The following ITGA9 variants were observed in gnomAD, a reference collection of about 807,000 sequenced individuals.
ITGA9 encodes the protein integrin subunit alpha 9.
A neutral mutation model predicts 127.8 loss-of-function variants in ITGA9; 56 were observed. The ratio of observed to expected loss-of-function variants is 0.44; its 90% CI spans 0.35 to 0.55. The LOEUF is 0.55. ITGA9 is among the 20% of genes least tolerant of loss of function. The probability of loss-of-function intolerance (pLI) is 0.00; values close to 1 mark genes in which losing one functional copy is unlikely to be tolerated. For missense variants in ITGA9, 1,196 were observed against 1,347.1 expected (o/e 0.89, Z 1.76); for synonymous variants, 508 against 514.5 (o/e 0.99, Z 0.17).
chr3:37,522,556 T>A (rs1452489592), intron 11 of ITGA9, among the ~76,000 whole-genome samples: 1 of 151,800 alleles, frequency 6.6e-6, no homozygotes, highest in Non-Finnish European at 1.5e-5. Flanking sequence ...CGAGACCCCG[T>A]CTGACAAAAA....
At chr3:37,493,264 C>T (rs759904742) in intron 4 of ITGA9, among the ~76,000 whole-genome samples, 7 of 152,188 alleles carry the variant, frequency 4.6e-5, no homozygotes, top group Non-Finnish European at 2.9e-5. Context: ...ACACTCAGAA[C>T]GGCAGGAAGT....
At chr3:37,559,735 C>T (rs1373939244) in intron 15 of ITGA9, among the ~76,000 whole-genome samples, 2 of 152,180 alleles carry the variant, frequency 1.3e-5, no homozygotes, top group East Asian at 1.9e-4. Flanking sequence ...AGGAAAACCA[C>T]ACGGAGCCAT....
chr3:37,692,412 AGTGTGTGTGTGTGT>A (rs59928496), intron 18 of ITGA9, among the ~76,000 whole-genome samples: 42 of 145,968 alleles, frequency 2.9e-4, no homozygotes, highest in Non-Finnish European at 7.6e-5. Context: ...AGAGAGAGAG[AGTGTGTGTGTGTGT>A]GTGTGTGTGT....
At chr3:37,644,258 G>A (rs1343113064) in intron 16 of ITGA9, among the ~76,000 whole-genome samples, 1 of 152,176 alleles carries the variant, frequency 6.6e-6, no homozygotes, top group African/African-American at 2.4e-5. Flanking sequence ...GTTATCACAG[G>A]GGTTGAACTG....
At chr3:37,507,875 A>G (rs1698861659) in intron 7 of ITGA9, among the ~76,000 whole-genome samples, 1 of 152,208 alleles carries the variant, frequency 6.6e-6, no homozygotes, top group African/African-American at 2.4e-5. Context: ...TTCCCACGAG[A>G]TGTAATCCAA....
intron 18 of ITGA9, among the ~76,000 whole-genome samples, chr3:37,720,579 C>T (rs764506765): frequency 9.2e-5 from 14 of 152,022 alleles, no homozygotes; most frequent in Non-Finnish European, 1.8e-4. Context: ...GAAAATAATT[C>T]GTTTGTGACT....
chr3:37,466,618 T>G (rs1192377337), intron 1 of ITGA9, among the ~76,000 whole-genome samples: 1 of 151,886 alleles, frequency 6.6e-6, no homozygotes, highest in Non-Finnish European at 1.5e-5. Flanking sequence ...ACATAATTAT[T>G]TGTAATCAGT....
chr3:37,774,080 A>G lies in ITGA9; in HGVS notation c.2542-3312A>G, dbSNP rs560945365. The stretch of plus-strand genomic sequence containing the variant: ...TTGAAATGCAGAACTTCTTGAATCC[A>G]TGTTGGTGCTGAAATTTGATTGGCA... On this transcript the variant is annotated intron_variant, in intron 23 of 27. Coordinates refer to ENST00000264741, the MANE Select transcript of ITGA9 (RefSeq NM_002207.3). Among the ~76,000 whole-genome samples the G allele has an allele frequency of 2.6e-5, 4 of 152,338 alleles. No homozygotes were observed. In the East Asian group the frequency reaches 5.8e-4, roughly 22 times the overall value.
chr3:37,818,574 T>C, intron 27 of ITGA9: 2 of 361,412 alleles, frequency 5.5e-6, no homozygotes, highest in Non-Finnish European at 1.1e-5. Flanking sequence ...TGAAACCTTT[T>C]TTTACTCCCA....
chr3:37,650,533 G>A (rs966657868), intron 16 of ITGA9, among the ~76,000 whole-genome samples: 3 of 152,062 alleles, frequency 2.0e-5, no homozygotes, highest in Admixed American at 2.0e-4. Context: ...CTGGGTTCAA[G>A]CAATTCTCCT....
At chr3:37,598,696 G>T (rs143601656) in intron 15 of ITGA9, among the ~76,000 whole-genome samples, 5 of 152,272 alleles carry the variant, frequency 3.3e-5, no homozygotes, top group African/African-American at 1.2e-4. Context: ...GGCCCCAAGT[G>T]TGTCAAGCCC....
At position 37,494,399 on chromosome 3, in the gene ITGA9, C is replaced by T. The variant is rs188898998; in HGVS notation, c.545-102C>T. ...TGGCATCCCTGGGCCCAGCCTGCCG[C>T]GGCACTCGTGGGAAGTGGCTGGCTG... On this transcript the variant is annotated intron_variant, in intron 4 of 27. Transcript: ENST00000264741. 1,948 of 815,962 alleles carry T rather than the reference C, an allele frequency of 2.4e-3. 7 individuals are homozygous for T. Among genetic ancestry groups the T allele is most frequent in the Non-Finnish European group, 3.6e-3 (1,698 of 475,142 alleles). The allele number at this position is 815,962 out of a possible 1,614,324, so 50.5% of individuals were successfully genotyped here.
chr3:37,528,992 A>G (rs1375942889), intron 13 of ITGA9, among the ~76,000 whole-genome samples: 1 of 145,716 alleles, frequency 6.9e-6, no homozygotes, highest in Non-Finnish European at 1.5e-5. Flanking sequence ...AGAATTTCAC[A>G]TTGGTGGGAA....
At chr3:37,717,333 G>A (rs568457050) in intron 18 of ITGA9, among the ~76,000 whole-genome samples, 2 of 152,172 alleles carry the variant, frequency 1.3e-5, no homozygotes, top group African/African-American at 4.8e-5. Context: ...GCTACATCAG[G>A]CAGTTTATGA....
rs1388795662 is a variant in ITGA9, at chr3:37,512,120, CTTT to C, written c.898-1642_898-1640del. On this transcript the variant is annotated intron_variant, in intron 8 of 27. Coordinates refer to ENST00000264741, the MANE Select transcript of ITGA9 (RefSeq NM_002207.3). ...TCCTTCCTTCCTTCCTTCCTTCCTT[CTTT>C]CTTTTCTTTTCTTTTCTTTTCTTTT... Among the ~76,000 whole-genome samples the C allele has an allele frequency of 5.8e-3, 228 of 39,446 alleles. 21 individuals carry two copies. Among genetic ancestry groups the C allele is most frequent in the African/African-American group, 0.021 (171 of 8,238 alleles). 25.9% of individuals were successfully genotyped at this position (39,446 alleles called of 152,430 possible).
intron 18 of ITGA9, among the ~76,000 whole-genome samples, chr3:37,712,075 C>T (rs1467957188): frequency 2.0e-5 from 3 of 151,904 alleles, no homozygotes; most frequent in African/African-American, 7.3e-5. Context: ...TTTATTTTCA[C>T]AAATATTCAG....
chr3:37,553,014 A>T (rs1274593242), intron 15 of ITGA9, among the ~76,000 whole-genome samples: 4 of 20,490 alleles, frequency 2.0e-4, no homozygotes. Flanking sequence ...GACTCCATCT[A>T]AAAAAAAAAA....
In ITGA9 at chr3:37,814,028, A is replaced by G. The variant is rs1697399988; in HGVS notation, c.3010-4863A>G. On this transcript the variant is annotated intron_variant, in intron 27 of 27. Transcript: ENST00000264741. The surrounding 1 kb of genome is among the most constrained non-coding windows in gnomAD (Gnocchi z 4.3). ...ATTAACAGATTTTTAAAAATTGAAA[A>G]TTGAATTTTCAAAAAATTTCTCAAA... 6.6e-6 allele frequency among the ~76,000 whole-genome samples: 1 copy of G among 152,202 alleles called. No homozygotes were observed. Among genetic ancestry groups the G allele is most frequent in the Non-Finnish European group, 1.5e-5 (1 of 68,044 alleles).
intron 23 of ITGA9, among the ~76,000 whole-genome samples, chr3:37,757,895 A>G (rs1399713849): frequency 6.6e-6 from 1 of 151,876 alleles, no homozygotes; most frequent in Non-Finnish European, 1.5e-5. Context: ...GTAGAAAAAG[A>G]TAAAGAAACT....
Sources: allele counts gnomAD v4.1 joint callset (sites outside exome capture counted in the v4.1 genomes callset), GRCh38; gene constraint gnomAD v4.1.1; non-coding constraint Gnocchi (gnomAD v3.1); transcripts MANE v1.5; gene names NCBI Gene and HGNC (gene_info 2026-07-23, HGNC 2026-07-21).